MTR: variants seen among roughly 807,000 people sequenced by gnomAD.
MTR encodes the protein methionine synthase.
Under a neutral mutation model 154.8 loss-of-function variants are expected in MTR, and 84 were observed. The ratio of observed to expected loss-of-function variants is 0.54; its 90% CI spans 0.45 to 0.65. MTR has a LOEUF of 0.65. Among genes scored for constraint, MTR ranks in the 30% least tolerant of loss-of-function variants. MTR has a pLI of 0.00. For missense variants in MTR, 1,275 were observed against 1,570.2 expected (o/e 0.81, Z 3.18); for synonymous variants, 554 against 553.9 (o/e 1.00, Z 0.00).
intron 18 of MTR, among the ~76,000 whole-genome samples, chr1:236,853,396 C>G (rs1664031252): frequency 1.3e-5 from 2 of 152,074 alleles, no homozygotes; most frequent in Non-Finnish European, 2.9e-5. Context: ...TTCTGGTAAG[C>G]AAAGGAAGAA....
At chr1:236,892,357 T>C (rs1236304798) in intron 29 of MTR, among the ~76,000 whole-genome samples, 1 of 151,934 alleles carries the variant, frequency 6.6e-6, no homozygotes, top group Non-Finnish European at 1.5e-5. Context: ...AGGCCTGTAC[T>C]TCTTCAGCCA....
chr1:236,822,312 G>GTTTTTTTTT (rs199660325), intron 8 of MTR, among the ~76,000 whole-genome samples: 2 of 124,928 alleles, frequency 1.6e-5, no homozygotes, highest in African/African-American at 3.0e-5. Context: ...GGTTTTTTTT[G>GTTTTTTTTT]TTTTTTTTTT....
intron 6 of MTR, among the ~76,000 whole-genome samples, chr1:236,813,459 T>C (rs768288563): frequency 9.2e-5 from 14 of 152,226 alleles, no homozygotes; most frequent in Non-Finnish European, 1.6e-4. Flanking sequence ...CAAATTACCC[T>C]CATTTGCGAC....
At chr1:236,886,998 A>G (rs1430433861) in intron 27 of MTR, among the ~76,000 whole-genome samples, 5 of 151,704 alleles carry the variant, frequency 3.3e-5, no homozygotes, top group African/African-American at 1.2e-4. Context: ...CTTTTTTTAA[A>G]TTTCTAGCCA....
intron 4 of MTR, 95 bp downstream of exon 4, chr1:236,808,868 C>T (rs754317775): frequency 3.6e-6 from 4 of 1,123,310 alleles, no homozygotes; most frequent in African/African-American, 1.5e-5. Context: ...CTTATGTGGC[C>T]TTTGGCTTAC....
At chr1:236,807,825 A>G (rs1572188382) in intron 3 of MTR, among the ~76,000 whole-genome samples, 1 of 152,218 alleles carries the variant, frequency 6.6e-6, no homozygotes, top group South Asian at 2.1e-4. Flanking sequence ...CGGCTTTGTT[A>G]GCTACAGACA....
intron 19 of MTR, 65 bp from the exon 20 acceptor site, chr1:236,861,060 G>GT: frequency 1.4e-6 from 2 of 1,415,806 alleles, no homozygotes; most frequent in Non-Finnish European, 1.9e-6. Context: ...AGGTAAGGCA[G>GT]TTTTTTAGGT....
chr1:236,825,696 G>T (rs1271609569), intron 10 of MTR, among the ~76,000 whole-genome samples: 2 of 152,104 alleles, frequency 1.3e-5, no homozygotes, highest in African/African-American at 4.8e-5. Flanking sequence ...CCAAATTGTA[G>T]CTTTCTGCCC....
intron 6 of MTR, among the ~76,000 whole-genome samples, chr1:236,813,163 A>G (rs892400973): frequency 6.6e-6 from 1 of 152,178 alleles, no homozygotes; most frequent in Non-Finnish European, 1.5e-5. Flanking sequence ...TGGAGTGAAA[A>G]GTGAATATCC....
chr1:236,845,860 C>G (rs1663539320), intron 15 of MTR, among the ~76,000 whole-genome samples: 1 of 152,180 alleles, frequency 6.6e-6, no homozygotes, highest in South Asian at 2.1e-4. Context: ...TGATTGAGTT[C>G]TCATAATGCT....
At chr1:236,878,534 T>C (rs1665556872) in intron 24 of MTR, among the ~76,000 whole-genome samples, 2 of 152,114 alleles carry the variant, frequency 1.3e-5, no homozygotes. Context: ...GTCCAGTCTT[T>C]TGGTTTCCCC....
intron 16 of MTR, among the ~76,000 whole-genome samples, chr1:236,852,282 C>T (rs931184090): frequency 2.0e-5 from 3 of 151,692 alleles, no homozygotes; most frequent in South Asian, 2.1e-4. Flanking sequence ...TGTGTACGCG[C>T]GTGTTCTCCT....
intron 2 of MTR, 86 bp downstream of exon 2, chr1:236,803,728 G>C (rs1660819911): frequency 1.5e-6 from 2 of 1,317,258 alleles, no homozygotes. Context: ...TATGCCGAGT[G>C]CTCCGGAGAA....
At chr1:236,895,209 T>C in intron 30 of MTR, 149 bp from the exon 31 acceptor site, 1 of 906,170 alleles carries the variant, frequency 1.1e-6, no homozygotes, top group Non-Finnish European at 1.8e-6. Flanking sequence ...CAATCAAGAA[T>C]CCAGCCTGTT....
At chr1:236,809,641 T>C (rs1661189973) in intron 4 of MTR, among the ~76,000 whole-genome samples, 1 of 152,230 alleles carries the variant, frequency 6.6e-6, no homozygotes, top group African/African-American at 2.4e-5. Flanking sequence ...ATTTTTCTTA[T>C]ACCCACGTTA....
chr1:236,816,601 C>T, intron 8 of MTR, 58 bp downstream of exon 8: 2 of 1,391,444 alleles, frequency 1.4e-6, no homozygotes, highest in Non-Finnish European at 2.0e-6. Flanking sequence ...TTTCTGATGG[C>T]TGTGGAGTGT....
chr1:236,897,660 T>C lies in MTR; in HGVS notation c.*16T>C. 2.1e-6 allele frequency: 3 copies of C among 1,419,764 alleles called. No individual in the cohort carries two copies. The highest frequency in any genetic ancestry group is 3.0e-6 in the Non-Finnish European group (3 of 1,009,050). The allele number at this position is 1,419,764 out of a possible 1,614,324, so 87.9% of individuals were successfully genotyped here. On this transcript the variant is annotated 3_prime_UTR_variant, in exon 33 of 33. Coordinates refer to ENST00000366577, the MANE Select transcript of MTR (RefSeq NM_000254.3). ...TACAGACTAACTTTTTTTTTTTTTT[T>C]GCCTTTTTTATTCTTGATGATCCTC...
intron 32 of MTR, among the ~76,000 whole-genome samples, 192 bp downstream of exon 32, chr1:236,897,310 G>GCACACACACACACACACACA (rs57786802): frequency 6.2e-5 from 8 of 128,656 alleles, no homozygotes; most frequent in South Asian, 2.7e-4. Flanking sequence ...CCACACACAC[G>GCACACACACACACACACACA]CACACACACA....
intron 2 of MTR, among the ~76,000 whole-genome samples, chr1:236,804,621 C>T (rs1448283874): frequency 6.6e-6 from 1 of 152,094 alleles, no homozygotes; most frequent in African/African-American, 2.4e-5. Context: ...TATTCCTAGG[C>T]ATTAAGTTTA....
Sources: allele counts gnomAD v4.1 joint callset (sites outside exome capture counted in the v4.1 genomes callset), GRCh38; gene constraint gnomAD v4.1.1; transcripts MANE v1.5; gene names NCBI Gene and HGNC (gene_info 2026-07-23, HGNC 2026-07-21).